Variants in UGT1A3 observed in about 807,000 individuals in gnomAD.
The protein encoded by UGT1A3 is UDP glucuronosyltransferase family 1 member A3, also known as UDP-glucuronosyltransferase 1A3.
A neutral mutation model predicts 41.0 loss-of-function variants in UGT1A3; 31 were observed. That is an observed-to-expected ratio of 0.76 (90% CI 0.57 to 1.02). The LOEUF (loss-of-function observed/expected upper bound fraction) is 1.02, where lower values mean the gene tolerates loss of function less well. Among genes scored for constraint, UGT1A3 ranks in the 50% least tolerant of loss-of-function variants. The pLI is 0.00. For missense variants in UGT1A3, 737 were observed against 671.0 expected (o/e 1.10, Z -1.09); for synonymous variants, 262 against 257.6 (o/e 1.02, Z -0.17).
At position 233,769,394 on chromosome 2, in the gene UGT1A3, T is replaced by C; in HGVS notation, c.1307+955T>C. On this transcript the variant is annotated intron_variant, in intron 4 of 4. Transcript: ENST00000482026. The surrounding 1 kb of genome is among the most constrained non-coding windows in gnomAD (Gnocchi z 4.4). The stretch of plus-strand genomic sequence containing the variant: ...ATTTCATCCGACAATAGATACTGTG[T>C]GCATATGTGCGTGTGCGTTTGTGCA... 1 of 1,112,930 alleles carries C rather than the reference T, an allele frequency of 9.0e-7. No homozygotes were observed. Among genetic ancestry groups the C allele is most frequent in the South Asian group, 1.4e-5 (1 of 69,644 alleles). 68.9% of individuals were successfully genotyped at this position (1,112,930 alleles called of 1,614,324 possible).
intron 1 of UGT1A3, chr2:233,754,450 G>A (rs1695489030): frequency 5.7e-6 from 2 of 352,214 alleles, no homozygotes; most frequent in Non-Finnish European, 1.1e-5. Context: ...TAAATTCTTG[G>A]GTACAGCTGT....
At chr2:233,731,424 A>G (rs1264349452) in intron 1 of UGT1A3, among the ~76,000 whole-genome samples, 1 of 151,642 alleles carries the variant, frequency 6.6e-6, no homozygotes, top group East Asian at 1.9e-4. Context: ...TCCTAATGCC[A>G]TCCCTCCCCC....
intron 1 of UGT1A3, among the ~76,000 whole-genome samples, chr2:233,742,171 A>G (rs758194375): frequency 2.0e-5 from 3 of 151,946 alleles, no homozygotes; most frequent in Non-Finnish European, 2.9e-5. Context: ...CACACACAGA[A>G]ATATAGAGTG....
intron 1 of UGT1A3, among the ~76,000 whole-genome samples, chr2:233,732,918 G>C (rs1288769205): frequency 6.6e-6 from 1 of 151,996 alleles, no homozygotes; most frequent in Non-Finnish European, 1.5e-5. Flanking sequence ...CCATTTTCAC[G>C]ATATTGATTC....
chr2:233,741,622 A>G (rs1467622913), intron 1 of UGT1A3: 1 of 151,894 alleles, frequency 6.6e-6, no homozygotes, highest in Non-Finnish European at 1.5e-5. Context: ...GTCAGACCCC[A>G]TGAGCCCCTG....
chr2:233,739,208 T>A lies in UGT1A3; in HGVS notation c.867+9215T>A, dbSNP rs185605986. 2.6e-3 allele frequency among the ~76,000 whole-genome samples: 389 copies of A among 152,338 alleles called. 3 individuals are homozygous for A. Among genetic ancestry groups the A allele is most frequent in the Non-Finnish European group, 3.9e-3 (262 of 68,030 alleles). On this transcript the variant is annotated intron_variant, in intron 1 of 4. Coordinates refer to ENST00000482026, the MANE Select transcript of UGT1A3 (RefSeq NM_019093.4). ...GATGTCCAGGCAGACGTTTGCTGCA[T>A]GGATAGAGTCCTTATAGAGAACCTC...
rs757429126 is a variant in UGT1A3 at position 233,729,142 on chromosome 2, C to T, written c.16C>T (p.Gln6Ter). 1.2e-6 allele frequency: 2 copies of T among 1,613,410 alleles called. No homozygotes were observed. The highest frequency in any genetic ancestry group is 1.7e-6 in the Non-Finnish European group (2 of 1,179,922). The change falls in exon 1 of 5, where the codon CAG becomes TAG. Residue 6 changes from glutamine to a stop codon, truncating the protein, a stop_gained. Transcript: ENST00000482026. LOFTEE classifies it high-confidence loss of function. The stretch of plus-strand genomic sequence containing the variant: ...TTCTGCTGAGATGGCCACAGGACTC[C>T]AGGTTCCCCTGCCGTGGCTGGCCAC... The part of the protein sequence containing the change: MATGL[Q>*]VPLPWLATGL...
intron 1 of UGT1A3, chr2:233,743,649 C>A (rs754713764): frequency 5.1e-6 from 7 of 1,367,168 alleles, no homozygotes; most frequent in Admixed American, 1.9e-5. Context: ...AAGCTGAAGA[C>A]GTACTCGAAG....
Position 233,745,964 on chromosome 2 carries a change from C to T in UGT1A3, c.867+15971C>T, listed in dbSNP as rs543022659. Among the ~76,000 whole-genome samples, 31 of 151,710 alleles carry T rather than the reference C, an allele frequency of 2.0e-4. No homozygotes were observed. In the South Asian group the frequency reaches 6.4e-3, roughly 32 times the overall value. The stretch of plus-strand genomic sequence containing the variant: ...GGGTTGGGCAACTGGGGGACAGGGG[C>T]CCTGAAATGGGACCATGACAGCTGG... On this transcript the variant is annotated intron_variant, in intron 1 of 4. Transcript: ENST00000482026.
At chr2:233,739,594 G>T (rs1253560976) in intron 1 of UGT1A3, among the ~76,000 whole-genome samples, 1 of 152,200 alleles carries the variant, frequency 6.6e-6, no homozygotes, top group East Asian at 1.9e-4. Flanking sequence ...GGGGCCTATA[G>T]CCCCTTTGTT....
intron 1 of UGT1A3, among the ~76,000 whole-genome samples, chr2:233,737,027 C>T (rs2078835915): frequency 6.6e-6 from 1 of 152,230 alleles, no homozygotes; most frequent in South Asian, 2.1e-4. Flanking sequence ...TCTGTCCATT[C>T]TCAGAGCTCA....
At chr2:233,756,537 A>T (rs1326089003) in intron 1 of UGT1A3, among the ~76,000 whole-genome samples, 8 of 152,122 alleles carry the variant, frequency 5.3e-5, no homozygotes, top group Non-Finnish European at 1.2e-4. Context: ...ACTTTTCTTG[A>T]CTGCTAAAAC....
chr2:233,744,056 G>A (rs1039365766), intron 1 of UGT1A3: 4 of 611,070 alleles, frequency 6.5e-6, no homozygotes, highest in Admixed American at 3.6e-5. Context: ...CTCATTGGTC[G>A]AGGCCTATGA....
At chr2:233,730,735 G>A (rs1037091205) in intron 1 of UGT1A3, among the ~76,000 whole-genome samples, 2 of 152,096 alleles carry the variant, frequency 1.3e-5, no homozygotes, top group African/African-American at 2.4e-5. Flanking sequence ...ATGGCGGAAG[G>A]GGCTAGGGAG....
intron 1 of UGT1A3, among the ~76,000 whole-genome samples, chr2:233,736,821 G>A (rs1368702103): frequency 6.6e-6 from 1 of 152,198 alleles, no homozygotes; most frequent in Non-Finnish European, 1.5e-5. Flanking sequence ...CACTCCAGAT[G>A]CTCTTTGCTT....
intron 1 of UGT1A3, among the ~76,000 whole-genome samples, chr2:233,735,346 T>G (rs559111340): frequency 6.6e-6 from 1 of 152,330 alleles, no homozygotes; most frequent in African/African-American, 2.4e-5. Flanking sequence ...GCTTTTTTTT[T>G]GCTTTCCATT....
In UGT1A3 at chr2:233,736,783, G is replaced by T. The variant is rs545223479; in HGVS notation, c.867+6790G>T. ...CTTCTAACAGTCAGATCCCTCAGCTGCAGGTCTGTTGGAGTTTGCTGGAGG... is the reference window on the plus strand; with the variant it reads ...CTTCTAACAGTCAGATCCCTCAGCTTCAGGTCTGTTGGAGTTTGCTGGAGG... On this transcript the variant is annotated intron_variant, in intron 1 of 4. Transcript: ENST00000482026. Among the ~76,000 whole-genome samples, 9 of 152,312 alleles carry T rather than the reference G, an allele frequency of 5.9e-5. No homozygotes were observed. The South Asian group carries it at 1.9e-3, about 32-fold the overall frequency.
At chr2:233,739,499 A>T (rs927597154) in intron 1 of UGT1A3, among the ~76,000 whole-genome samples, 8 of 152,214 alleles carry the variant, frequency 5.3e-5, no homozygotes, top group African/African-American at 1.4e-4. Context: ...CATCACCTTG[A>T]TCTAGATGTG....
rs749552053 is a variant in UGT1A3 at position 233,760,309 on chromosome 2, G to A, written c.868-6725G>A. 18 of 1,613,646 alleles carry A rather than the reference G, an allele frequency of 1.1e-5. No individual in the cohort carries two copies. The highest frequency in any genetic ancestry group is 2.2e-5 in the East Asian group (1 of 44,886). On this transcript the variant is annotated intron_variant, in intron 1 of 4. Transcript: ENST00000482026. ...CGCCATGGCTGTGGAGTCCCAGGGCGGACGCCCACTTGTCCTGGGCCTGCT... is the reference window on the plus strand; with the variant it reads ...CGCCATGGCTGTGGAGTCCCAGGGCAGACGCCCACTTGTCCTGGGCCTGCT...
Sources: allele counts gnomAD v4.1 joint callset (sites outside exome capture counted in the v4.1 genomes callset), GRCh38; gene constraint gnomAD v4.1.1; non-coding constraint Gnocchi (gnomAD v3.1); transcripts MANE v1.5; gene names NCBI Gene and HGNC (gene_info 2026-07-23, HGNC 2026-07-21).